Variants in KMT2D observed in about 807,000 individuals in gnomAD.
KMT2D encodes lysine methyltransferase 2D.
In KMT2D, 55 loss-of-function variants were observed where a neutral mutation model predicts 512.7. That is an observed-to-expected ratio of 0.11 (90% CI 0.09 to 0.13). KMT2D has a LOEUF of 0.13. KMT2D is among the 10% of genes least tolerant of loss of function. KMT2D has a pLI of 1.00. For synonymous variants in KMT2D, 2,995 were observed against 2,904.0 expected (o/e 1.03, Z -1.01); for missense variants, 6,061 against 7,127.9 (o/e 0.85, Z 5.39).
chr12:49,041,837 G>A lies in KMT2D; in HGVS notation c.6183+80C>T. 6.5e-7 allele frequency: 1 copy of A among 1,527,008 alleles called. No individual in the cohort carries two copies. The allele number at this position is 1,527,008 out of a possible 1,614,324, so 94.6% of individuals were successfully genotyped here. A position where few individuals can be genotyped will look rare whatever the true frequency, so the allele number is the denominator to read the frequency against. On this transcript the variant is annotated intron_variant, in intron 30 of 54. Coordinates refer to ENST00000301067, the MANE Select transcript of KMT2D (RefSeq NM_003482.4). This position sits in a 1 kb window ranked among gnomAD's most constrained non-coding sequence, Gnocchi z 5.4. Reference sequence around the variant, plus strand: ...CCAGCTGCTTTAGGAGTGGGGAGCGGAAAGAACTGAGGTAAATTACCCAAA... The same window carrying A: ...CCAGCTGCTTTAGGAGTGGGGAGCGAAAAGAACTGAGGTAAATTACCCAAA...
chr12:49,033,427 C>T lies in KMT2D; in HGVS notation c.11278G>A (p.Gly3760Ser), dbSNP rs373071174. Residue 3760 changes from glycine to serine, a missense_variant, in exon 40 of 55, where the codon GGT becomes AGT. Around this residue, in one of 16 missense-constraint regions of KMT2D, gnomAD observed 1,600 missense variants for 1,754.9 expected, o/e 0.91. Transcript: ENST00000301067. ...QVAIQQQQQQ[G>S]PGVQTNQALG... ...GCTTGGTTTGTCTGTACTCCAGGAC[C>T]CTGCTGCTGTTGCTGCTGGATTGCC... The T allele has an allele frequency of 1.9e-5, 30 of 1,581,650 alleles. No individual in the cohort carries two copies. The African/African-American group carries it at 2.8e-4, about 15-fold the overall frequency.
In KMT2D at chr12:49,038,773, C is replaced by A. The variant is rs1257401800; in HGVS notation, c.8583G>T (p.Leu2861=). 1.3e-6 allele frequency: 2 copies of A among 1,599,568 alleles called. No individual in the cohort carries two copies. Among genetic ancestry groups the A allele is most frequent in the Non-Finnish European group, 1.7e-6 (2 of 1,173,260 alleles). The change falls in exon 35 of 55, where the codon CTG becomes CTT. Residue 2861 remains leucine, a synonymous_variant. Transcript: ENST00000301067. The surrounding 1 kb of genome is among the most constrained non-coding windows in gnomAD (Gnocchi z 5.7). ...GSPLAGISTR[L]PGPGEPVPGP... ...CAGGCACTGGCTCACCAGGGCCTGG[C>A]AGACGGGTGGAAATTCCCGCCAACG...
chr12:49,029,535 T>G (rs998230186), intron 43 of KMT2D, 59 bp from the exon 44 acceptor site: 2 of 1,268,106 alleles, frequency 1.6e-6, no homozygotes, highest in Non-Finnish European at 2.2e-6. Context: ...TGATGGTACC[T>G]TCTCCCAATA....
rs1938016082 is a variant in KMT2D at position 49,051,507 on chromosome 12, A to ACAGGGGTGACTCCTC, written c.2161_2175dup (p.Glu721_Leu725dup). The ACAGGGGTGACTCCTC allele has an allele frequency of 1.2e-6, 2 of 1,613,580 alleles. No individual in the cohort carries two copies. Among genetic ancestry groups the ACAGGGGTGACTCCTC allele is most frequent in the African/African-American group, 2.7e-5 (2 of 74,900 alleles). ...AGTTGCGGCTCCTCAGGTAGTGGCA[A>ACAGGGGTGACTCCTC]CAGGGGTGACTCCTCCAGCGGCAGG... On this transcript the variant is annotated inframe_insertion, in exon 11 of 55. Coordinates refer to ENST00000301067, the MANE Select transcript of KMT2D (RefSeq NM_003482.4).
At position 49,046,380 on chromosome 12, in the gene KMT2D, T is replaced by C. The variant is rs1005446890; in HGVS notation, c.4463A>G (p.His1488Arg). The C allele has an allele frequency of 3.7e-6, 6 of 1,613,890 alleles. No homozygotes were observed. The highest frequency in any genetic ancestry group is 4.2e-6 in the Non-Finnish European group (5 of 1,179,884). The change falls in exon 17 of 55, where the codon CAC (histidine) becomes CGC (arginine). Residue 1488 changes from histidine (H) to arginine (R), a missense_variant. Transcript: ENST00000301067. The surrounding 1 kb of genome is among the most constrained non-coding windows in gnomAD (Gnocchi z 4.2). The stretch of plus-strand genomic sequence containing the variant: ...TGTGTAACTATTCTGCCATTCACAG[T>C]GGAAGCCAGGGGAAGCAGCCCCACA... ...MQCGAASPGF[H>R]CEWQNSYTHC...
rs2120422761 is a variant in KMT2D, at chr12:49,031,684, G to A, written c.13021C>T (p.Pro4341Ser). ...GGCCCCTGAGGTTTGGGGGTCCCTG[G>A]ATGGGTGGGAGGGAGCTGGGCCTCA... Reference protein sequence around the residue: ...PTEAQLPPTHPGTPKPQGPTL... With the variant: ...PTEAQLPPTHSGTPKPQGPTL... The change falls in exon 40 of 55, where the codon CCA becomes TCA. Residue 4341 changes from proline to serine, a missense_variant. By Grantham distance (74) the Pro-to-Ser change is moderately conservative. Around this residue, in one of 16 missense-constraint regions of KMT2D, gnomAD observed 1,600 missense variants for 1,754.9 expected, o/e 0.91. Coordinates refer to ENST00000301067, the MANE Select transcript of KMT2D (RefSeq NM_003482.4). 6.2e-7 allele frequency: 1 copy of A among 1,611,796 alleles called. No individual in the cohort carries two copies. Among genetic ancestry groups the A allele is most frequent in the Non-Finnish European group, 8.5e-7 (1 of 1,179,102 alleles).
chr12:49,045,025 CA>C lies in KMT2D; in HGVS notation c.4742-61del, dbSNP rs1190137768. On this transcript the variant is annotated intron_variant, in intron 19 of 54. Transcript: ENST00000301067. ...GGAAGCCCCAGGGAAACCAGAACTG[CA>C]AGTTTCAACCTATGTCCTTAGCTGA... The C allele has an allele frequency of 8.7e-6, 13 of 1,488,606 alleles. No individual in the cohort carries two copies. The African/African-American group carries it at 1.7e-4, about 19-fold the overall frequency. The allele number at this position is 1,488,606 out of a possible 1,614,324, so 92.2% of individuals were successfully genotyped here.
rs1466299559 is a variant in KMT2D at position 49,022,570 on chromosome 12, GC to G, written c.16338+19del. 6.2e-7 allele frequency: 1 copy of G among 1,608,024 alleles called. No homozygotes were observed. Among genetic ancestry groups the G allele is most frequent in the Non-Finnish European group, 8.5e-7 (1 of 1,176,084 alleles). On this transcript the variant is annotated intron_variant, in intron 52 of 54. Transcript: ENST00000301067. The surrounding 1 kb of genome is among the most constrained non-coding windows in gnomAD (Gnocchi z 8.6). ...TGAGTGCAGACTATGCACCACAATG[GC>G]CCCTCTGCCAGCTCATACCTGCTCT...
rs754060706 is a variant in KMT2D at position 49,040,404 on chromosome 12, G to A, written c.7366C>T (p.Arg2456Cys). The A allele has an allele frequency of 1.8e-5, 28 of 1,563,524 alleles. No individual in the cohort carries two copies. Among genetic ancestry groups the A allele is most frequent in the South Asian group, 3.6e-5 (3 of 82,980 alleles). The change falls in exon 32 of 55, where the codon CGC becomes TGC. Residue 2456 changes from arginine (R) to cysteine (C), a missense_variant. This residue lies in a region of KMT2D where 710 missense variants were observed against 647.3 expected (regional missense o/e 1.10). Coordinates refer to ENST00000301067, the MANE Select transcript of KMT2D (RefSeq NM_003482.4). ...SPDPYSRPPS[R>C]PQSRDPFAPL... ...GCAAATGGGTCACGGGACTGAGGGC[G>A]TGAGGGTGGGCGAGAATAAGGGTCA...
rs2120583112 is a variant in KMT2D at position 49,044,409 on chromosome 12, G to C, written c.5077C>G (p.Arg1693Gly). ...ESKKRKRKPY[R>G]PGIGGFMVRQ... The stretch of plus-strand genomic sequence containing the variant: ...CCCCATCCCAGGACCTCACCAGGCC[G>C]ATATGGTTTACGCTTGCGTTTTTTG... The change falls in exon 21 of 55, where the codon CGG becomes GGG. Residue 1693 changes from arginine to glycine, a missense_variant. Arg to Gly is a moderately radical substitution (Grantham distance 125, BLOSUM62 -2). Transcript: ENST00000301067. This position sits in a 1 kb window ranked among gnomAD's most constrained non-coding sequence, Gnocchi z 6.4. 1.9e-6 allele frequency: 3 copies of C among 1,613,770 alleles called. No homozygotes were observed. The highest frequency in any genetic ancestry group is 2.5e-6 in the Non-Finnish European group (3 of 1,179,840).
At chr12:49,056,860 C>T (rs1938440360) in intron 1 of KMT2D, among the ~76,000 whole-genome samples, 1 of 152,226 alleles carries the variant, frequency 6.6e-6, no homozygotes. Context: ...ACTACAATAT[C>T]ACTCTTCCTG....
At position 49,051,206 on chromosome 12, in the gene KMT2D, G is replaced by C. The variant is rs542972001; in HGVS notation, c.2477C>G (p.Pro826Arg). 14 of 1,515,400 alleles carry C rather than the reference G, an allele frequency of 9.2e-6. No individual in the cohort carries two copies. Among genetic ancestry groups the C allele is most frequent in the Non-Finnish European group, 1.8e-6 (2 of 1,126,664 alleles). The allele number at this position is 1,515,400 out of a possible 1,614,324, so 93.9% of individuals were successfully genotyped here. Reference sequence around the variant, plus strand: ...GGACAGGTGTGATTCCTCAGGTTGGGGGGACAAGCATGGCTCCTCAGGCAC... The same window carrying C: ...GGACAGGTGTGATTCCTCAGGTTGGCGGGACAAGCATGGCTCCTCAGGCAC... ...SPVPEEPCLS[P>R]QPEESHLSPQ... Residue 826 changes from proline to arginine, a missense_variant, in exon 11 of 55, where the codon CCC becomes CGC. By Grantham distance (103) the Pro-to-Arg change is moderately radical. Coordinates refer to ENST00000301067, the MANE Select transcript of KMT2D (RefSeq NM_003482.4).
In KMT2D at chr12:49,041,676, G is replaced by A. The variant is rs778037787; in HGVS notation, c.6213C>T (p.His2071=). ...TCACCTTCTGCACCTTGTTGATGCG[G>A]TGAGCTGCCCGGTTATCTTTGGCCT... ...LQKAKDNRAA[H]RINKVQKQAE... The change falls in exon 31 of 55, where the codon CAC becomes CAT. Residue 2071 remains histidine, a synonymous_variant. Transcript: ENST00000301067. The surrounding 1 kb of genome is among the most constrained non-coding windows in gnomAD (Gnocchi z 5.4). 1 of 1,612,976 alleles carries A rather than the reference G, an allele frequency of 6.2e-7. No individual in the cohort carries two copies.
intron 48 of KMT2D, 98 bp from the exon 49 acceptor site, chr12:49,027,420 A>T: frequency 2.0e-6 from 2 of 976,144 alleles, no homozygotes; most frequent in South Asian, 3.5e-5. Flanking sequence ...AGGCCTCCAC[A>T]TTCTTTGCCC....
Position 49,044,895 on chromosome 12 carries a change from G to A in KMT2D, c.4812C>T (p.Thr1604=), listed in dbSNP as rs745582174. The A allele has an allele frequency of 2.4e-5, 38 of 1,614,066 alleles. No individual in the cohort carries two copies. Among genetic ancestry groups the A allele is most frequent in the Non-Finnish European group, 3.1e-5 (36 of 1,179,906 alleles). ...ETGMALLRNL[T]MSPLHKRRQR... ...GGCGCCGCTTGTGCAGTGGTGACAT[G>A]GTCAGGTTACGCAGCAAGGCCATGC... Residue 1604 remains threonine, a synonymous_variant, in exon 20 of 55, where the codon ACC becomes ACT. Coordinates refer to ENST00000301067, the MANE Select transcript of KMT2D (RefSeq NM_003482.4). This position sits in a 1 kb window ranked among gnomAD's most constrained non-coding sequence, Gnocchi z 6.4.
At chr12:49,045,667 C>T (rs1287007040) in intron 19 of KMT2D, among the ~76,000 whole-genome samples, 1 of 149,776 alleles carries the variant, frequency 6.7e-6, no homozygotes, top group Non-Finnish European at 1.5e-5. Flanking sequence ...AAAAAGAGAT[C>T]TGAAGACGAA....
In KMT2D at chr12:49,038,668, A is replaced by G; in HGVS notation, c.8688T>C (p.Pro2896=). Residue 2896 remains proline, a synonymous_variant, in exon 35 of 55, where the codon CCT becomes CCC. Transcript: ENST00000301067. The surrounding 1 kb of genome is among the most constrained non-coding windows in gnomAD (Gnocchi z 5.7). Reference sequence around the variant, plus strand: ...GGGGTCTCTGAGGTGGGCCCTGACCAGGAAACGGAGTGCCCCCAGGTCCCA... The same window carrying G: ...GGGGTCTCTGAGGTGGGCCCTGACCGGGAAACGGAGTGCCCCCAGGTCCCA... The part of the protein sequence containing the change: ...KGLGPGGTPF[P]GQGPPQRPRF... The G allele has an allele frequency of 6.2e-7, 1 of 1,612,984 alleles. No homozygotes were observed. The highest frequency in any genetic ancestry group is 8.5e-7 in the Non-Finnish European group (1 of 1,179,792).
At position 49,033,135 on chromosome 12, in the gene KMT2D, T is replaced by G; in HGVS notation, c.11570A>C (p.Gln3857Pro). ...LMGHRLVTAQ[Q>P]QQQQQQHQQQ... is the part of the protein sequence containing the mutation. ...TTGGTGCTGTTGTTGCTGCTGCTGC[T>G]GCTGGGCTGTGACCAGCCTGTGTCC... is the stretch of plus-strand genomic sequence containing the variant. Residue 3857 changes from glutamine to proline, a missense_variant, in exon 40 of 55, where the codon CAG becomes CCG. Physicochemically the swap from Gln to Pro is moderately conservative, Grantham distance 76. Coordinates refer to ENST00000301067, the MANE Select transcript of KMT2D (RefSeq NM_003482.4). 1 of 1,551,438 alleles carries G rather than the reference T, an allele frequency of 6.4e-7. No individual in the cohort carries two copies. Among genetic ancestry groups the G allele is most frequent in the Non-Finnish European group, 8.7e-7 (1 of 1,146,914 alleles).
In KMT2D at chr12:49,026,507, C is replaced by T. The variant is rs2137716475; in HGVS notation, c.15459G>A (p.Arg5153=). ...EQELSSFAVF[R]RVYIERDEVK... is the part of the protein sequence containing the mutation. ...CCTCGTCCCGCTCAATGTAGACCCGCCGGAAGACAGCAAAAGAGCTCAGCT... is the reference window on the plus strand; with the variant it reads ...CCTCGTCCCGCTCAATGTAGACCCGTCGGAAGACAGCAAAAGAGCTCAGCT... Residue 5153 remains arginine (R), a synonymous_variant, in exon 49 of 55, where the codon CGG becomes CGA. Coordinates refer to ENST00000301067, the MANE Select transcript of KMT2D (RefSeq NM_003482.4). This position sits in a 1 kb window ranked among gnomAD's most constrained non-coding sequence, Gnocchi z 9.6. 2.5e-6 allele frequency: 4 copies of T among 1,613,948 alleles called. No homozygotes were observed. Among genetic ancestry groups the T allele is most frequent in the Non-Finnish European group, 3.4e-6 (4 of 1,179,898 alleles).
Sources: allele counts gnomAD v4.1 joint callset (sites outside exome capture counted in the v4.1 genomes callset), GRCh38; gene constraint gnomAD v4.1.1; regional missense constraint gnomAD v4.1.1; non-coding constraint Gnocchi (gnomAD v3.1); transcripts MANE v1.5; gene names NCBI Gene and HGNC (gene_info 2026-07-23, HGNC 2026-07-21).